BMP7: variants seen among roughly 807,000 people sequenced by gnomAD.
BMP7 encodes the protein osteogenic protein 1.
BMP7 carries 12 observed loss-of-function variants against 41.2 expected under a neutral mutation model. The ratio of observed to expected loss-of-function variants is 0.29; its 90% CI spans 0.19 to 0.47. The LOEUF (loss-of-function observed/expected upper bound fraction) is 0.47, where lower values mean the gene tolerates loss of function less well. Ranked by LOEUF, BMP7 falls within the 20% of genes least tolerant of loss-of-function variation. The pLI, the probability that BMP7 is intolerant of heterozygous loss-of-function variation, is 0.99. For missense variants in BMP7, 467 were observed against 606.0 expected, an observed-to-expected ratio of 0.77 and a Z score of 2.41; for synonymous variants, 248 against 250.0, an observed-to-expected ratio of 0.99 and a Z score of 0.07.
chr20:57,225,998 C>G lies in BMP7; in HGVS notation c.611+2231G>C, dbSNP rs115676934. The G allele has an allele frequency of 2.1e-3, 994 of 467,612 alleles. 5 individuals carry two copies. The highest frequency in any genetic ancestry group is 0.018 in the African/African-American group (911 of 50,148). The allele number at this position is 467,612 out of a possible 1,614,324, so 29.0% of individuals were successfully genotyped here. A position where few individuals can be genotyped will look rare whatever the true frequency, so the allele number is the denominator to read the frequency against. On this transcript the variant is annotated intron_variant, in intron 2 of 6. Coordinates refer to ENST00000395863, the MANE Select transcript of BMP7 (RefSeq NM_001719.3). ...ACTCAGTCACTCAGCAGCCCAGAAG[C>G]CCCCAGGAGCAGGACCCCAGCACTA... is the stretch of plus-strand genomic sequence containing the variant.
In BMP7 at chr20:57,213,728, C is replaced by T. The variant is rs1269227622; in HGVS notation, c.612-11105G>A. Among the ~76,000 whole-genome samples, 2 of 152,168 alleles carry T rather than the reference C, an allele frequency of 1.3e-5. No homozygotes were observed. Among genetic ancestry groups the T allele is most frequent in the African/African-American group, 4.8e-5 (2 of 41,434 alleles). On this transcript the variant is annotated intron_variant, in intron 2 of 6. Coordinates refer to ENST00000395863, the MANE Select transcript of BMP7 (RefSeq NM_001719.3). The surrounding 1 kb of genome is among the most constrained non-coding windows in gnomAD (Gnocchi z 4.4). ...AATCCCCAGAGTGGTCCTCGGGTCC[C>T]ACAGTGGGTGCTCAGGGATGTAGGC...
At position 57,261,745 on chromosome 20, in the gene BMP7, G is replaced by A. The variant is rs1278449905; in HGVS notation, c.418+3960C>T. On this transcript the variant is annotated intron_variant, in intron 1 of 6. Coordinates refer to ENST00000395863, the MANE Select transcript of BMP7 (RefSeq NM_001719.3). The surrounding 1 kb of genome is among the most constrained non-coding windows in gnomAD (Gnocchi z 4.1). ...CAGCCCCTTCCAAATTTTAACACAAGCCAGGTTACAGCTGCAAATGCCTGC... is the reference window on the plus strand; with the variant it reads ...CAGCCCCTTCCAAATTTTAACACAAACCAGGTTACAGCTGCAAATGCCTGC... Among the ~76,000 whole-genome samples, 1 of 152,164 alleles carries A rather than the reference G, an allele frequency of 6.6e-6. No homozygotes were observed. Among genetic ancestry groups the A allele is most frequent in the Admixed American group, 6.5e-5 (1 of 15,276 alleles).
chr20:57,238,733 C>T (rs6025458), intron 1 of BMP7, among the ~76,000 whole-genome samples: 50,081 of 151,862 alleles, frequency 0.33, 12,794 homozygotes, highest in African/African-American at 0.72. Context: ...GGACTTGCAG[C>T]TCCACATGGC....
At chr20:57,260,661 A>G (rs1212204205) in intron 1 of BMP7, among the ~76,000 whole-genome samples, 1 of 152,236 alleles carries the variant, frequency 6.6e-6, no homozygotes, top group Non-Finnish European at 1.5e-5. Context: ...ATCTTTTATA[A>G]TAAGTGTACA....
chr20:57,177,186 G>A (rs1983948527), intron 4 of BMP7, among the ~76,000 whole-genome samples: 1 of 152,178 alleles, frequency 6.6e-6, no homozygotes, highest in Non-Finnish European at 1.5e-5. Flanking sequence ...GCCAAGAGTG[G>A]AAAGCAGAAA....
chr20:57,216,761 C>T (rs1271643860), intron 2 of BMP7, among the ~76,000 whole-genome samples: 3 of 152,132 alleles, frequency 2.0e-5, no homozygotes, highest in Non-Finnish European at 2.9e-5. Context: ...TGCGGCTCAG[C>T]GGGTCCATCT....
Position 57,265,858 on chromosome 20 carries a change from C to T in BMP7, c.265G>A (p.Ala89Thr). Residue 89 changes from alanine (A) to threonine (T), a missense_variant, in exon 1 of 7, where the codon GCC (alanine) becomes ACC (threonine). Transcript: ENST00000395863. ...CCGCCGCCCTCCTCCACCGCCATGG[C>T]GTTGTACAGGTCCAGCATGAACATG... ...APMFMLDLYN[A>T]MAVEEGGGPG... 1 of 1,606,586 alleles carries T rather than the reference C, an allele frequency of 6.2e-7. No homozygotes were observed. The highest frequency in any genetic ancestry group is 8.5e-7 in the Non-Finnish European group (1 of 1,176,952).
intron 1 of BMP7, among the ~76,000 whole-genome samples, chr20:57,240,886 C>T (rs1024553785): frequency 7.9e-5 from 12 of 152,218 alleles, no homozygotes; most frequent in African/African-American, 2.4e-4. Context: ...CTGGGAGATA[C>T]AATTCAAGTT....
chr20:57,233,824 G>A (rs162315), intron 1 of BMP7, among the ~76,000 whole-genome samples: 58,003 of 152,170 alleles, frequency 0.38, 14,683 homozygotes, highest in African/African-American at 0.72. Flanking sequence ...ATTCAGAGCC[G>A]TGGGACAGTA....
At chr20:57,242,209 T>A (rs1034819137) in intron 1 of BMP7, among the ~76,000 whole-genome samples, 4 of 152,184 alleles carry the variant, frequency 2.6e-5, no homozygotes, top group African/African-American at 9.7e-5. Context: ...TTTTTGGTTG[T>A]CATAACTTAG....
intron 3 of BMP7, among the ~76,000 whole-genome samples, chr20:57,189,055 T>A (rs1984289284): frequency 6.6e-6 from 1 of 152,212 alleles, no homozygotes; most frequent in African/African-American, 2.4e-5. Context: ...GACCTACACA[T>A]GAGCTTGGAG....
At chr20:57,179,776 T>G (rs76606573) in intron 4 of BMP7, among the ~76,000 whole-genome samples, 4,011 of 152,246 alleles carry the variant, frequency 0.026, 171 homozygotes, top group African/African-American at 0.092. Flanking sequence ...TTATTTTATT[T>G]TTTTCTTAAC....
chr20:57,232,717 G>A (rs971609512), intron 1 of BMP7, among the ~76,000 whole-genome samples: 3 of 152,106 alleles, frequency 2.0e-5, no homozygotes, highest in Non-Finnish European at 2.9e-5. Flanking sequence ...TTTCTGAGAG[G>A]ATTTCCTTCA....
chr20:57,183,574 T>A (rs563334567), intron 4 of BMP7, 148 bp downstream of exon 4: 34 of 984,302 alleles, frequency 3.5e-5, no homozygotes, highest in Non-Finnish European at 5.1e-5. Flanking sequence ...TGTGTAGGGG[T>A]GGATTTGGGG....
intron 1 of BMP7, among the ~76,000 whole-genome samples, chr20:57,263,756 T>C (rs1481229412): frequency 1.3e-5 from 2 of 152,188 alleles, no homozygotes; most frequent in Non-Finnish European, 2.9e-5. Flanking sequence ...TTTATATGTA[T>C]GTATTTGGAA....
Position 57,173,149 on chromosome 20 carries a change from C to T in BMP7, c.1146+51G>A, listed in dbSNP as rs200894126. On this transcript the variant is annotated intron_variant, in intron 6 of 6. Coordinates refer to ENST00000395863, the MANE Select transcript of BMP7 (RefSeq NM_001719.3). ...TGGAGGCAGCAGGATCTGGTGGCCC[C>T]GCAGCCTGCCCGGCCCAGGTGACCA... 8,466 of 1,564,892 alleles carry T rather than the reference C, an allele frequency of 5.4e-3. 36 individuals carry two copies. The highest frequency in any genetic ancestry group is 0.011 in the Middle Eastern group (64 of 5,970).
intron 3 of BMP7, among the ~76,000 whole-genome samples, chr20:57,191,330 A>G (rs912620574): frequency 6.6e-6 from 1 of 152,120 alleles, no homozygotes; most frequent in Non-Finnish European, 1.5e-5. Context: ...GGTGGGGCCA[A>G]CAGAAGGAAA....
chr20:57,212,872 C>G (rs558485262), intron 2 of BMP7, among the ~76,000 whole-genome samples: 1 of 152,316 alleles, frequency 6.6e-6, no homozygotes, highest in East Asian at 1.9e-4. Context: ...AGGACTCAGC[C>G]CGGGCCCCAG....
chr20:57,183,650 C>CTCCTGCCGGG, intron 4 of BMP7, 72 bp downstream of exon 4: 1 of 1,596,908 alleles, frequency 6.3e-7, no homozygotes, highest in Non-Finnish European at 8.6e-7. Flanking sequence ...TTGAGTCAGT[C>CTCCTGCCGGG]TCCTGCCGGG....
Sources: gnomAD v4.1 joint callset for allele counts (sites outside exome capture counted in the v4.1 genomes callset) on GRCh38, gnomAD v4.1.1 for gene constraint, Gnocchi (gnomAD v3.1) non-coding constraint, MANE v1.5 for transcripts, NCBI Gene and HGNC (gene_info 2026-07-23, HGNC 2026-07-21) for gene names.